The following TCERG1L variants were observed in gnomAD, a reference collection of about 807,000 sequenced individuals.
TCERG1L encodes the protein transcription elongation regulator 1 like, also known as transcription elongation regulator 1-like protein.
In TCERG1L, 37 loss-of-function variants were observed where a neutral mutation model predicts 56.3. The ratio of observed to expected loss-of-function variants is 0.66; its 90% CI spans 0.51 to 0.87. TCERG1L has a LOEUF of 0.87. Ranked by LOEUF, TCERG1L falls within the 40% of genes least tolerant of loss-of-function variation. The pLI is 0.00. For missense variants in TCERG1L, 799 were observed against 774.2 expected, an observed-to-expected ratio of 1.03 and a Z score of -0.38; for synonymous variants, 324 against 326.3, an observed-to-expected ratio of 0.99 and a Z score of 0.08.
intron 7 of TCERG1L, among the ~76,000 whole-genome samples, chr10:131,141,614 C>T (rs1845739688): frequency 6.6e-6 from 1 of 152,012 alleles, no homozygotes; most frequent in Non-Finnish European, 1.5e-5. Flanking sequence ...CCCTTGCTCC[C>T]TCCCTTCTCT....
rs1482211299 is a variant in TCERG1L at position 131,309,216 on chromosome 10, G to T, written c.426C>A (p.Cys142Ter). The T allele has an allele frequency of 1.2e-6, 2 of 1,610,054 alleles. No individual in the cohort carries two copies. The highest frequency in any genetic ancestry group is 2.7e-5 in the African/African-American group (2 of 74,716). ...VELVPVFPHL[C>*]PSALATPIGK... ...CAATAGGGGTTGCAAGAGCAGAAGGGCAGAGATGTGGGAAGACGGGCACCA... is the reference window on the plus strand; with the variant it reads ...CAATAGGGGTTGCAAGAGCAGAAGGTCAGAGATGTGGGAAGACGGGCACCA... Residue 142 changes from cysteine (C) to a stop codon, truncating the protein, a stop_gained, in exon 2 of 12, where the codon TGC becomes TGA. Coordinates refer to ENST00000368642, the MANE Select transcript of TCERG1L (RefSeq NM_174937.4). LOFTEE classifies it high-confidence loss of function.
intron 4 of TCERG1L, among the ~76,000 whole-genome samples, chr10:131,241,994 T>G (rs1286186092): frequency 6.6e-6 from 1 of 152,238 alleles, no homozygotes; most frequent in African/African-American, 2.4e-5. Context: ...CTTTAAAATG[T>G]TGAGGGAAAA....
intron 8 of TCERG1L, among the ~76,000 whole-genome samples, chr10:131,128,324 A>C (rs1845582844): frequency 2.0e-5 from 3 of 152,194 alleles, no homozygotes; most frequent in African/African-American, 7.2e-5. Context: ...GGAGAACCAA[A>C]CAGTTCACAG....
chr10:131,275,592 GA>G (rs1215674102), intron 3 of TCERG1L, among the ~76,000 whole-genome samples: 2 of 152,314 alleles, frequency 1.3e-5, no homozygotes, highest in East Asian at 3.9e-4. Context: ...GAGAGGGAGA[GA>G]GGGGGAAAAG....
At chr10:131,157,540 G>C (rs931890188) in intron 6 of TCERG1L, among the ~76,000 whole-genome samples, 1 of 151,856 alleles carries the variant, frequency 6.6e-6, no homozygotes, top group African/African-American at 2.4e-5. Context: ...TGAATAAGTG[G>C]GAGTGGTTTA....
Position 131,311,168 on chromosome 10 carries a change from T to G in TCERG1L, c.342+126A>C. On this transcript the variant is annotated intron_variant, in intron 1 of 11. Coordinates refer to ENST00000368642, the MANE Select transcript of TCERG1L (RefSeq NM_174937.4). The surrounding 1 kb of genome is among the most constrained non-coding windows in gnomAD (Gnocchi z 4.0). Reference sequence around the variant, plus strand: ...CGGCTGCCGGGCTCCGTCCTGAGGGTTTGGGGCGGCGAGGACCGCCGGGGA... The same window carrying G: ...CGGCTGCCGGGCTCCGTCCTGAGGGGTTGGGGCGGCGAGGACCGCCGGGGA... 2.3e-5 allele frequency: 16 copies of G among 707,586 alleles called. No individual in the cohort carries two copies. Among genetic ancestry groups the G allele is most frequent in the South Asian group, 6.9e-5 (1 of 14,570 alleles). The allele number at this position is 707,586 out of a possible 1,614,324, so 43.8% of individuals were successfully genotyped here.
chr10:131,220,313 C>G (rs1845715975), intron 4 of TCERG1L, among the ~76,000 whole-genome samples: 1 of 152,210 alleles, frequency 6.6e-6, no homozygotes, highest in African/African-American at 2.4e-5. Context: ...CCCCATCCTC[C>G]AGGGCTCTTG....
chr10:131,294,298 C>T (rs1564835958), intron 3 of TCERG1L, among the ~76,000 whole-genome samples: 1 of 152,136 alleles, frequency 6.6e-6, no homozygotes, highest in African/African-American at 2.4e-5. Flanking sequence ...CCATCAAAGG[C>T]CATACACTCT....
At chr10:131,190,438 CTTTTA>C (rs1845291187) in intron 4 of TCERG1L, among the ~76,000 whole-genome samples, 3 of 145,928 alleles carry the variant, frequency 2.1e-5, no homozygotes, top group Non-Finnish European at 3.0e-5. Flanking sequence ...TAGTATCACC[CTTTTA>C]CCAAAAAAGG....
intron 3 of TCERG1L, among the ~76,000 whole-genome samples, chr10:131,291,672 C>T (rs575151106): frequency 4.7e-4 from 71 of 151,504 alleles, no homozygotes; most frequent in Non-Finnish European, 6.5e-4. Context: ...GTGATCCGCC[C>T]GTCTCGGCCT....
intron 3 of TCERG1L, among the ~76,000 whole-genome samples, chr10:131,305,810 A>G (rs1262011680): frequency 6.6e-6 from 1 of 151,234 alleles, no homozygotes; most frequent in Non-Finnish European, 1.5e-5. Context: ...ATAAAACTTT[A>G]TAACAAGATT....
At chr10:131,223,795 C>G (rs961345704) in intron 4 of TCERG1L, among the ~76,000 whole-genome samples, 2 of 152,048 alleles carry the variant, frequency 1.3e-5, no homozygotes, top group Admixed American at 6.5e-5. Context: ...TCCCTGAAGT[C>G]TCCTTTGGCA....
chr10:131,275,601 A>G (rs1209004616), intron 3 of TCERG1L, among the ~76,000 whole-genome samples: 1 of 152,162 alleles, frequency 6.6e-6, no homozygotes, highest in Non-Finnish European at 1.5e-5. Context: ...AGAGGGGGAA[A>G]AGGCAAGCAG....
intron 11 of TCERG1L, among the ~76,000 whole-genome samples, chr10:131,097,992 G>C (rs1845266771): frequency 6.6e-6 from 1 of 152,218 alleles, no homozygotes; most frequent in Admixed American, 6.5e-5. Context: ...CTCACGTATT[G>C]ATTGGTTATT....
intron 4 of TCERG1L, among the ~76,000 whole-genome samples, chr10:131,173,271 G>A (rs1846111524): frequency 6.6e-6 from 1 of 152,098 alleles, no homozygotes; most frequent in East Asian, 1.9e-4. Context: ...GATAAAGTAG[G>A]CACACTGATC....
chr10:131,127,357 C>T (rs531866256), intron 8 of TCERG1L, among the ~76,000 whole-genome samples: 14 of 152,312 alleles, frequency 9.2e-5, no homozygotes, highest in African/African-American at 2.9e-4. Flanking sequence ...CACCAGCCAG[C>T]CCGTGACCCT....
At chr10:131,176,849 G>T (rs144117280) in intron 4 of TCERG1L, among the ~76,000 whole-genome samples, 1 of 24,618 alleles carries the variant, frequency 4.1e-5, no homozygotes, top group East Asian at 1.3e-3. Context: ...CAGGCACATA[G>T]GAACACACAG....
At chr10:131,106,199 T>C (rs1845350281) in intron 9 of TCERG1L, among the ~76,000 whole-genome samples, 1 of 152,244 alleles carries the variant, frequency 6.6e-6, no homozygotes, top group Non-Finnish European at 1.5e-5. Flanking sequence ...ATGTATTCAC[T>C]GTGCCTTGGG....
chr10:131,114,907 C>T (rs1162193371), intron 9 of TCERG1L, among the ~76,000 whole-genome samples: 1 of 152,248 alleles, frequency 6.6e-6, no homozygotes, highest in Non-Finnish European at 1.5e-5. Flanking sequence ...CCAACCAGGC[C>T]AGCCTGGCCA....
Sources: gnomAD v4.1 joint callset for allele counts (sites outside exome capture counted in the v4.1 genomes callset) on GRCh38, gnomAD v4.1.1 for gene constraint, Gnocchi (gnomAD v3.1) non-coding constraint, MANE v1.5 for transcripts, NCBI Gene and HGNC (gene_info 2026-07-23, HGNC 2026-07-21) for gene names.